Variants in KCNIP4 observed in about 807,000 individuals in gnomAD.
KCNIP4 encodes Kv channel-interacting protein 4.
A neutral mutation model predicts 34.0 loss-of-function variants in KCNIP4; 12 were observed. That is an observed-to-expected ratio of 0.35 (90% confidence interval 0.23 to 0.57). The LOEUF (loss-of-function observed/expected upper bound fraction) is 0.57. KCNIP4 is among the 20% of genes least tolerant of loss of function. The pLI is 0.83. For missense variants in KCNIP4, 238 were observed against 311.7 expected, an observed-to-expected ratio of 0.76 and a Z score of 1.78; for synonymous variants, 124 against 102.2, an observed-to-expected ratio of 1.21 and a Z score of -1.29.
chr4:20,850,484 C>T, intron 3 of KCNIP4, 59 bp downstream of exon 3: 1 of 1,574,604 alleles, frequency 6.4e-7, no homozygotes, highest in Non-Finnish European at 8.7e-7. Context: ...CTTTTCCTCT[C>T]ATTTCTCAAT....
intron 1 of KCNIP4, among the ~76,000 whole-genome samples, chr4:21,432,377 T>G (rs1726570918): frequency 6.6e-6 from 1 of 151,638 alleles, no homozygotes; most frequent in African/African-American, 2.4e-5. Context: ...GCACCTCAAT[T>G]TAGCAAAGCA....
At chr4:21,660,851 T>G (rs1032463542) in intron 1 of KCNIP4, among the ~76,000 whole-genome samples, 2 of 152,156 alleles carry the variant, frequency 1.3e-5, no homozygotes, top group African/African-American at 2.4e-5. Context: ...CATTTTGACA[T>G]GGACAGGAGG....
intron 1 of KCNIP4, among the ~76,000 whole-genome samples, chr4:21,459,513 T>C (rs1729261547): frequency 6.6e-6 from 1 of 152,032 alleles, no homozygotes; most frequent in Admixed American, 6.6e-5. Flanking sequence ...CTCATGGCTT[T>C]ATGATTAACA....
chr4:21,699,797 C>T (rs993743955), intron 1 of KCNIP4, among the ~76,000 whole-genome samples: 1 of 152,010 alleles, frequency 6.6e-6, no homozygotes, highest in Non-Finnish European at 1.5e-5. Flanking sequence ...AGTCTCTTTG[C>T]CAGAAAGCCA....
At chr4:21,040,622 C>A (rs904702920) in intron 1 of KCNIP4, among the ~76,000 whole-genome samples, 1 of 152,034 alleles carries the variant, frequency 6.6e-6, no homozygotes, top group African/African-American at 2.4e-5. Context: ...TAAAACCTTC[C>A]TTCTTTACTG....
At chr4:21,016,391 C>T (rs941844836) in intron 1 of KCNIP4, among the ~76,000 whole-genome samples, 4 of 151,360 alleles carry the variant, frequency 2.6e-5, no homozygotes, top group East Asian at 3.9e-4. Flanking sequence ...CTCTGCCTCC[C>T]GGGTTCACGC....
intron 1 of KCNIP4, among the ~76,000 whole-genome samples, chr4:21,029,275 G>A (rs1180796708): frequency 6.6e-6 from 1 of 152,156 alleles, no homozygotes; most frequent in African/African-American, 2.4e-5. Flanking sequence ...CAGGGGCTCT[G>A]ACTTAATTTT....
intron 1 of KCNIP4, among the ~76,000 whole-genome samples, chr4:21,936,712 CA>C (rs1053928724): frequency 2.6e-5 from 4 of 152,082 alleles, no homozygotes; most frequent in African/African-American, 9.7e-5. Context: ...ATTCTGACTC[CA>C]AAGTCTTATC....
intron 1 of KCNIP4, among the ~76,000 whole-genome samples, chr4:21,321,456 A>C (rs1480679364): frequency 6.6e-6 from 1 of 152,160 alleles, no homozygotes; most frequent in Non-Finnish European, 1.5e-5. Context: ...AATAGAGAAG[A>C]CATCTAAGTG....
chr4:21,703,914 T>C, intron 1 of KCNIP4, among the ~76,000 whole-genome samples: 1 of 152,184 alleles, frequency 6.6e-6, no homozygotes, highest in East Asian at 1.9e-4. Flanking sequence ...TCAGGTAGAA[T>C]GACTTTGAGA....
chr4:21,292,193 G>C (rs76857167), intron 1 of KCNIP4, among the ~76,000 whole-genome samples: 1 of 152,052 alleles, frequency 6.6e-6, no homozygotes, highest in African/African-American at 2.4e-5. Flanking sequence ...TATTTGGATC[G>C]ATAGTACAAA....
At chr4:21,584,303 T>C (rs1232972101) in intron 1 of KCNIP4, among the ~76,000 whole-genome samples, 4 of 152,100 alleles carry the variant, frequency 2.6e-5, no homozygotes, top group African/African-American at 7.2e-5. Flanking sequence ...ACAAAATTAA[T>C]TTAGAAAAAT....
chr4:21,917,302 T>C (rs1048520958), intron 1 of KCNIP4, among the ~76,000 whole-genome samples: 5 of 151,846 alleles, frequency 3.3e-5, no homozygotes, highest in African/African-American at 1.2e-4. Flanking sequence ...ACCCAGCTAA[T>C]TTTTTTGTAT....
chr4:20,973,995 C>A (rs753563397), intron 1 of KCNIP4, among the ~76,000 whole-genome samples: 4 of 151,808 alleles, frequency 2.6e-5, no homozygotes, highest in Admixed American at 2.6e-4. Context: ...TTTGAAATAC[C>A]GTAAAAAATT....
intron 1 of KCNIP4, among the ~76,000 whole-genome samples, chr4:21,890,860 C>G (rs1406669119): frequency 6.6e-6 from 1 of 151,946 alleles, no homozygotes; most frequent in African/African-American, 2.4e-5. Context: ...AAACCCAAAG[C>G]CAGAGAATGA....
intron 1 of KCNIP4, among the ~76,000 whole-genome samples, chr4:21,467,108 AC>A (rs1730043221): frequency 1.3e-5 from 2 of 148,522 alleles, no homozygotes; most frequent in African/African-American, 5.0e-5. Context: ...ACACACACAC[AC>A]ACACACACAA....
At chr4:21,634,459 T>C (rs975158458) in intron 1 of KCNIP4, among the ~76,000 whole-genome samples, 1 of 152,108 alleles carries the variant, frequency 6.6e-6, no homozygotes, top group East Asian at 1.9e-4. Flanking sequence ...ACTGGGAGGA[T>C]CTTCAGAGAT....
intron 1 of KCNIP4, among the ~76,000 whole-genome samples, chr4:21,248,238 T>A (rs1414526142): frequency 6.6e-6 from 1 of 151,920 alleles, no homozygotes; most frequent in African/African-American, 2.4e-5. Context: ...TCACCAGATT[T>A]GATTTTTTTT....
intron 1 of KCNIP4, among the ~76,000 whole-genome samples, chr4:21,784,676 A>C (rs1257449053): frequency 2.6e-5 from 4 of 152,198 alleles, no homozygotes; most frequent in Non-Finnish European, 4.4e-5. Context: ...TCAAAGATAT[A>C]TCTTTATTTG....
Sources: allele counts gnomAD v4.1 joint callset (sites outside exome capture counted in the v4.1 genomes callset), GRCh38; gene constraint gnomAD v4.1.1; transcripts MANE v1.5; gene names NCBI Gene and HGNC (gene_info 2026-07-23, HGNC 2026-07-21).